The following LRRC39 variants were observed in gnomAD, a reference collection of about 807,000 sequenced individuals.
LRRC39 encodes the protein leucine rich repeat containing 39, also known as leucine-rich repeat-containing protein 39.
LRRC39 carries 35 observed loss-of-function variants against 39.7 expected under a neutral mutation model. That is an observed-to-expected ratio of 0.88 (90% CI 0.67 to 1.17). The LOEUF (loss-of-function observed/expected upper bound fraction) is 1.17. Among genes scored for constraint, LRRC39 ranks in the 50% most tolerant of loss-of-function variants. The probability of loss-of-function intolerance (pLI) is 0.00; values close to 1 mark genes in which losing one functional copy is unlikely to be tolerated. For synonymous variants in LRRC39, 113 were observed against 134.1 expected, an observed-to-expected ratio of 0.84 and a Z score of 1.09; for missense variants, 357 against 385.8, an observed-to-expected ratio of 0.93 and a Z score of 0.62.
chr1:100,148,599 G>C lies in LRRC39; in HGVS notation c.*443C>G, dbSNP rs1193482392. On this transcript the variant is annotated 3_prime_UTR_variant, in exon 10 of 10. Transcript: ENST00000370137. ...TAAACTTTTGCAAAATTTTAACAATGTTTTGTGTGTGTTTATTCAATTTAG... is the reference window on the plus strand; with the variant it reads ...TAAACTTTTGCAAAATTTTAACAATCTTTTGTGTGTGTTTATTCAATTTAG... 2 of 1,579,986 alleles carry C rather than the reference G, an allele frequency of 1.3e-6. No homozygotes were observed. Among genetic ancestry groups the C allele is most frequent in the South Asian group, 2.4e-5 (2 of 85,080 alleles).
chr1:100,160,640 T>A (rs931489238), intron 3 of LRRC39, 69 bp from the exon 4 acceptor site: 81 of 1,194,088 alleles, frequency 6.8e-5, no homozygotes, highest in Middle Eastern at 2.0e-4. Context: ...TTTTTTTTTT[T>A]GAGAGAGAGA....
chr1:100,162,494 C>A (rs1658958672), intron 3 of LRRC39, among the ~76,000 whole-genome samples: 1 of 151,906 alleles, frequency 6.6e-6, no homozygotes, highest in Non-Finnish European at 1.5e-5. Flanking sequence ...CAAAAATTAG[C>A]TGGGTGTGGT....
At position 100,156,205 on chromosome 1, in the gene LRRC39, T is replaced by C; in HGVS notation, c.626A>G (p.Asn209Ser). 6.2e-7 allele frequency: 1 copy of C among 1,613,954 alleles called. No homozygotes were observed. Among genetic ancestry groups the C allele is most frequent in the Non-Finnish European group, 8.5e-7 (1 of 1,179,914 alleles). The change falls in exon 7 of 10, where the codon AAC (asparagine) becomes AGC (serine). Residue 209 changes from asparagine to serine, a missense_variant. Coordinates refer to ENST00000370137, the MANE Select transcript of LRRC39 (RefSeq NM_144620.4). Reference sequence around the variant, plus strand: ...AGTATCAGGAAGTTGTTCAAGTTTGTTGCTTCCCATGTCCAGCCACTCAAG... The same window carrying C: ...AGTATCAGGAAGTTGTTCAAGTTTGCTGCTTCCCATGTCCAGCCACTCAAG... ...PALEWLDMGS[N>S]KLEQLPDTIE...
At chr1:100,157,511 T>C (rs772583284) in intron 6 of LRRC39, among the ~76,000 whole-genome samples, 4 of 152,236 alleles carry the variant, frequency 2.6e-5, no homozygotes, top group Non-Finnish European at 4.4e-5. Context: ...CACAAGGGTA[T>C]ACATTTCATT....
intron 1 of LRRC39, among the ~76,000 whole-genome samples, chr1:100,174,818 A>G (rs1054692433): frequency 1.3e-5 from 2 of 152,228 alleles, no homozygotes; most frequent in Non-Finnish European, 2.9e-5. Context: ...CTATATCACA[A>G]TATAGTTTGA....
At position 100,155,039 on chromosome 1, in the gene LRRC39, A is replaced by G. The variant is rs779364955; in HGVS notation, c.812+12T>C. ...AGCAAGGTTTTTCAGTTTTGTGCCT[A>G]CAACTTTTTACCTCAGATTTGCCAT... On this transcript the variant is annotated intron_variant, in intron 8 of 9. Transcript: ENST00000370137. 6.4e-7 allele frequency: 1 copy of G among 1,551,070 alleles called. No individual in the cohort carries two copies. The highest frequency in any genetic ancestry group is 8.7e-7 in the Non-Finnish European group (1 of 1,153,088).
chr1:100,155,527 C>G (rs1658395945), intron 7 of LRRC39, among the ~76,000 whole-genome samples: 2 of 152,198 alleles, frequency 1.3e-5, no homozygotes, highest in Non-Finnish European at 2.9e-5. Flanking sequence ...TACAGTACAA[C>G]TCTCATGTCA....
Position 100,168,609 on chromosome 1 carries a change from G to A in LRRC39, c.-78-15C>T. The stretch of plus-strand genomic sequence containing the variant: ...TCAGAAAGGACCTAAATGTACCAGA[G>A]AAAAAAAGCAATGTTTCAGACTGTT... On this transcript the variant is annotated splice_polypyrimidine_tract_variant and intron_variant, in intron 2 of 9. Transcript: ENST00000370137. The A allele has an allele frequency of 4.5e-6, 4 of 895,364 alleles. No homozygotes were observed. Among genetic ancestry groups the A allele is most frequent in the African/African-American group, 1.7e-5 (1 of 58,654 alleles). 55.5% of individuals were successfully genotyped at this position (895,364 alleles called of 1,614,324 possible).
At chr1:100,154,894 C>A (rs531882233) in intron 8 of LRRC39, among the ~76,000 whole-genome samples, 157 bp downstream of exon 8, 1 of 152,292 alleles carries the variant, frequency 6.6e-6, no homozygotes, top group East Asian at 1.9e-4. Context: ...GAATCCTATT[C>A]ATCAAATTAT....
chr1:100,151,824 C>A (rs910673936), intron 9 of LRRC39, among the ~76,000 whole-genome samples: 1 of 152,120 alleles, frequency 6.6e-6, no homozygotes, highest in Non-Finnish European at 1.5e-5. Context: ...CTGATAGCCC[C>A]AGTTACTTCA....
rs746237327 is a variant in LRRC39, at chr1:100,156,312, G to A, written c.519C>T (p.Ser173=). The change falls in exon 7 of 10, where the codon AGC becomes AGT. Residue 173 remains serine, a synonymous_variant. Transcript: ENST00000370137. ...CAAGGTGAGTAAGTTTTAGCAGATT[G>A]CTGAGCTGAAGAAGAAAGCAAGGTT... ...RDICDLPQEL[S]NLLKLTHLDL... 1.6e-5 allele frequency: 26 copies of A among 1,602,126 alleles called. No homozygotes were observed. In the South Asian group the frequency reaches 2.8e-4, roughly 17 times the overall value.
At position 100,168,591 on chromosome 1, in the gene LRRC39, G is replaced by T; in HGVS notation, c.-75C>A. 9.2e-7 allele frequency: 1 copy of T among 1,092,806 alleles called. No individual in the cohort carries two copies. Among genetic ancestry groups the T allele is most frequent in the Non-Finnish European group, 1.4e-6 (1 of 735,180 alleles). 67.7% of individuals were successfully genotyped at this position (1,092,806 alleles called of 1,614,324 possible). ...TGAATCATAGATACCATTTCAGAAA[G>T]GACCTAAATGTACCAGAGAAAAAAA... On this transcript the variant is annotated 5_prime_UTR_variant, in exon 3 of 10. Transcript: ENST00000370137.
At chr1:100,166,060 G>C (rs888035094) in intron 3 of LRRC39, among the ~76,000 whole-genome samples, 2 of 151,778 alleles carry the variant, frequency 1.3e-5, no homozygotes, top group Non-Finnish European at 2.9e-5. Context: ...CTTTCATTTG[G>C]TTCTCATTCT....
chr1:100,159,574 A>C (rs1265407187), intron 4 of LRRC39, among the ~76,000 whole-genome samples, 159 bp from the exon 5 acceptor site: 2 of 103,088 alleles, frequency 1.9e-5, no homozygotes, highest in African/African-American at 3.6e-5. Flanking sequence ...TGACTTCCGG[A>C]TTTTAAGATC....
At chr1:100,168,252 T>C (rs1266238089) in intron 3 of LRRC39, 152 bp downstream of exon 3, 1 of 639,798 alleles carries the variant, frequency 1.6e-6, no homozygotes, top group Non-Finnish European at 2.6e-6. Context: ...CAAATTTAAT[T>C]GAGTCAGCTG....
At chr1:100,177,646 T>A (rs901719856) in intron 1 of LRRC39, among the ~76,000 whole-genome samples, 12 of 152,238 alleles carry the variant, frequency 7.9e-5, no homozygotes, top group Non-Finnish European at 1.2e-4. Context: ...ATAAAAATAT[T>A]TTTGAATTCC....
intron 9 of LRRC39, among the ~76,000 whole-genome samples, chr1:100,151,047 A>C (rs1384159425): frequency 1.3e-5 from 2 of 150,770 alleles, no homozygotes; most frequent in Non-Finnish European, 2.9e-5. Flanking sequence ...GAATCACTTG[A>C]ACCTGGGAGG....
At chr1:100,176,207 G>A (rs1038977531) in intron 1 of LRRC39, among the ~76,000 whole-genome samples, 4 of 152,130 alleles carry the variant, frequency 2.6e-5, no homozygotes, top group African/African-American at 9.7e-5. Context: ...CTGGTGGATC[G>A]CTTGAGGTCA....
rs772598957 is a variant in LRRC39 at position 100,155,185 on chromosome 1, C to T, written c.678G>A (p.Thr226=). 3.3e-5 allele frequency: 53 copies of T among 1,589,674 alleles called. No homozygotes were observed. Among genetic ancestry groups the T allele is most frequent in the Middle Eastern group, 1.7e-4 (1 of 5,980 alleles). Residue 226 remains threonine (T), a synonymous_variant, in exon 8 of 10, where the codon ACG becomes ACA. Coordinates refer to ENST00000370137, the MANE Select transcript of LRRC39 (RefSeq NM_144620.4). ...DTIERMQNLH[T]LWLQRNEITC... is the part of the protein sequence containing the mutation. ...TTATTTCATTTCGTTGCAGCCATAA[C>T]GTATGTAGATTTTGCATTCTGAAAA...
Sources: gnomAD v4.1 joint callset for allele counts (sites outside exome capture counted in the v4.1 genomes callset) on GRCh38, gnomAD v4.1.1 for gene constraint, MANE v1.5 for transcripts, NCBI Gene and HGNC (gene_info 2026-07-23, HGNC 2026-07-21) for gene names.